KCNIP4: variants seen among roughly 807,000 people sequenced by gnomAD.
KCNIP4 encodes the protein potassium voltage-gated channel interacting protein 4.
Under a neutral mutation model 34.0 loss-of-function variants are expected in KCNIP4, and 12 were observed. The ratio of observed to expected loss-of-function variants is 0.35; its 90% CI spans 0.23 to 0.57. KCNIP4 has a LOEUF of 0.57. Among genes scored for constraint, KCNIP4 ranks in the 20% least tolerant of loss-of-function variants. KCNIP4 has a pLI of 0.83. For missense variants in KCNIP4, 238 were observed against 311.7 expected, an observed-to-expected ratio of 0.76 and a Z score of 1.78; for synonymous variants, 124 against 102.2, an observed-to-expected ratio of 1.21 and a Z score of -1.29.
At chr4:21,867,623 G>A (rs964812332) in intron 1 of KCNIP4, among the ~76,000 whole-genome samples, 1 of 152,166 alleles carries the variant, frequency 6.6e-6, no homozygotes, top group African/African-American at 2.4e-5. Flanking sequence ...ACAGAAAGCA[G>A]AGATGCTGGA....
chr4:21,426,745 A>G lies in KCNIP4; in HGVS notation c.61+521826T>C, dbSNP rs1283305616. Among the ~76,000 whole-genome samples the G allele has an allele frequency of 2.0e-5, 3 of 151,952 alleles. No homozygotes were observed. In the South Asian group the frequency reaches 6.2e-4, roughly 32 times the overall value. On this transcript the variant is annotated intron_variant, in intron 1 of 8. Coordinates refer to ENST00000382152, the MANE Select transcript of KCNIP4 (RefSeq NM_025221.6). Reference sequence around the variant, plus strand: ...CTACTAAGAGCCAGGTCACGTTTTAAGCACTGGGGATAAACATGTAAAAAA... The same window carrying G: ...CTACTAAGAGCCAGGTCACGTTTTAGGCACTGGGGATAAACATGTAAAAAA...
intron 1 of KCNIP4, among the ~76,000 whole-genome samples, chr4:21,825,144 A>G (rs748100573): frequency 1.3e-5 from 2 of 152,176 alleles, no homozygotes; most frequent in Non-Finnish European, 2.9e-5. Flanking sequence ...AGTGGTAGAC[A>G]TATCTGTACA....
rs537689955 is a variant in KCNIP4, at chr4:21,024,722, G to A, written c.62-142013C>T. Reference sequence around the variant, plus strand: ...TCTCTTCAAAATTTCAACTCCGCCCGCTGACATTTAGTGAATGTCAAGATG... The same window carrying A: ...TCTCTTCAAAATTTCAACTCCGCCCACTGACATTTAGTGAATGTCAAGATG... On this transcript the variant is annotated intron_variant, in intron 1 of 8. Coordinates refer to ENST00000382152, the MANE Select transcript of KCNIP4 (RefSeq NM_025221.6). 1.6e-4 allele frequency among the ~76,000 whole-genome samples: 25 copies of A among 152,236 alleles called. 1 individual carries two copies. In the East Asian group the frequency reaches 2.1e-3, roughly 13 times the overall value.
At chr4:21,246,209 T>A (rs2109062317) in intron 1 of KCNIP4, among the ~76,000 whole-genome samples, 1 of 152,258 alleles carries the variant, frequency 6.6e-6, no homozygotes, top group Non-Finnish European at 1.5e-5. Context: ...CAGGACACCC[T>A]TTCCCTACAC....
At chr4:21,550,597 T>A (rs1303640845) in intron 1 of KCNIP4, among the ~76,000 whole-genome samples, 1 of 152,084 alleles carries the variant, frequency 6.6e-6, no homozygotes, top group African/African-American at 2.4e-5. Context: ...GATAGCATCA[T>A]CGGTCCCTGA....
At chr4:21,358,785 T>C (rs953967033) in intron 1 of KCNIP4, among the ~76,000 whole-genome samples, 1 of 152,104 alleles carries the variant, frequency 6.6e-6, no homozygotes, top group Non-Finnish European at 1.5e-5. Context: ...GCATATCTGA[T>C]TGCCTCCTTT....
chr4:21,919,247 C>T (rs540020106), intron 1 of KCNIP4, among the ~76,000 whole-genome samples: 1 of 152,254 alleles, frequency 6.6e-6, no homozygotes, highest in African/African-American at 2.4e-5. Flanking sequence ...TTTACAATTG[C>T]ATATTCAGAA....
chr4:20,841,526 T>C (rs1719720181), intron 3 of KCNIP4, among the ~76,000 whole-genome samples: 1 of 152,104 alleles, frequency 6.6e-6, no homozygotes, highest in South Asian at 2.1e-4. Context: ...TCCTCCTCAG[T>C]TTCCCTCCCC....
chr4:20,779,694 C>T (rs1171008153), intron 3 of KCNIP4, among the ~76,000 whole-genome samples: 1 of 151,402 alleles, frequency 6.6e-6, no homozygotes, highest in Non-Finnish European at 1.5e-5. Flanking sequence ...TTTAGGCTAT[C>T]CCAATTGTCC....
chr4:20,749,401 C>T (rs1046430205), intron 5 of KCNIP4, among the ~76,000 whole-genome samples: 6 of 152,140 alleles, frequency 3.9e-5, no homozygotes, highest in Non-Finnish European at 7.3e-5. Flanking sequence ...AACTCATTTG[C>T]CTTCCAGGAC....
At chr4:20,889,293 T>C (rs1055173918) in intron 1 of KCNIP4, among the ~76,000 whole-genome samples, 10 of 152,310 alleles carry the variant, frequency 6.6e-5, no homozygotes, top group African/African-American at 2.4e-4. Context: ...ATATTTTATT[T>C]GGATGGTTTC....
chr4:21,945,527 G>A (rs779134829), intron 1 of KCNIP4, among the ~76,000 whole-genome samples: 1 of 152,192 alleles, frequency 6.6e-6, no homozygotes, highest in African/African-American at 2.4e-5. Flanking sequence ...CCAAAGCCAC[G>A]ATACATCCAT....
chr4:20,744,882 T>TCA (rs1752079555), intron 5 of KCNIP4, among the ~76,000 whole-genome samples: 1 of 152,204 alleles, frequency 6.6e-6, no homozygotes, highest in Non-Finnish European at 1.5e-5. Flanking sequence ...TGCTCCATGA[T>TCA]GTTCTGTGGA....
At chr4:20,789,784 T>C (rs1712489009) in intron 3 of KCNIP4, among the ~76,000 whole-genome samples, 1 of 151,178 alleles carries the variant, frequency 6.6e-6, no homozygotes, top group African/African-American at 2.4e-5. Context: ...CCAGCTGATG[T>C]AGCTCAGATA....
intron 1 of KCNIP4, among the ~76,000 whole-genome samples, chr4:21,496,979 T>C (rs1034676897): frequency 2.0e-5 from 3 of 152,158 alleles, no homozygotes; most frequent in African/African-American, 7.2e-5. Flanking sequence ...CAGGATAAAG[T>C]CCAGTTTCTC....
intron 1 of KCNIP4, among the ~76,000 whole-genome samples, chr4:21,344,594 A>T (rs551653352): frequency 5.5e-4 from 83 of 152,274 alleles, no homozygotes; most frequent in Non-Finnish European, 9.7e-4. Flanking sequence ...GATAGGTATG[A>T]TGCAAGAAAA....
chr4:21,683,448 T>G (rs1006838682), intron 1 of KCNIP4, among the ~76,000 whole-genome samples: 3 of 6,790 alleles, frequency 4.4e-4, no homozygotes, highest in Non-Finnish European at 6.3e-4. Flanking sequence ...GAAGCCAGAT[T>G]TTTTTTTTTT....
At chr4:20,741,806 A>C (rs1751177669) in intron 5 of KCNIP4, among the ~76,000 whole-genome samples, 1 of 152,216 alleles carries the variant, frequency 6.6e-6, no homozygotes, top group Admixed American at 6.5e-5. Flanking sequence ...AGATCAACAA[A>C]ATTGATAGAC....
intron 1 of KCNIP4, among the ~76,000 whole-genome samples, chr4:20,916,845 CCTAAA>C (rs1728860637): frequency 6.6e-6 from 1 of 151,296 alleles, no homozygotes; most frequent in African/African-American, 2.4e-5. Context: ...TCTCCAAAGT[CCTAAA>C]CTAAACTATT....
Sources: allele counts gnomAD v4.1 joint callset (sites outside exome capture counted in the v4.1 genomes callset), GRCh38; gene constraint gnomAD v4.1.1; transcripts MANE v1.5; gene names NCBI Gene and HGNC (gene_info 2026-07-23, HGNC 2026-07-21).